Variants in CTBP2 observed in about 807,000 individuals in gnomAD.
The protein encoded by CTBP2 is C-terminal-binding protein 2.
A neutral mutation model predicts 80.3 loss-of-function variants in CTBP2; 30 were observed. The observed-to-expected ratio is 0.37, with a 90% CI of 0.28 to 0.51. The LOEUF is 0.51. CTBP2 is among the 20% of genes least tolerant of loss of function. The probability of loss-of-function intolerance (pLI) is 0.93; values close to 1 mark genes in which losing one functional copy is unlikely to be tolerated. For synonymous variants in CTBP2, 594 were observed against 587.4 expected, an observed-to-expected ratio of 1.01 and a Z score of -0.16; for missense variants, 1,212 against 1,375.3, an observed-to-expected ratio of 0.88 and a Z score of 1.88.
chr10:125,161,072 G>T (rs886101069), upstream of CTBP2: 4 of 150,934 alleles, frequency 2.7e-5, no homozygotes, highest in Admixed American at 1.3e-4. Flanking sequence ...GTTTTTGGGG[G>T]GGGGGGGCAA....
At chr10:125,068,836 G>A (rs902859122) in intron 2 of CTBP2, among the ~76,000 whole-genome samples, 1 of 152,236 alleles carries the variant, frequency 6.6e-6, no homozygotes, top group Non-Finnish European at 1.5e-5. Context: ...CAACTTGGAG[G>A]TCAGGGTTGC....
At chr10:125,142,714 T>C (rs896693706) in intron 1 of CTBP2, among the ~76,000 whole-genome samples, 1 of 152,206 alleles carries the variant, frequency 6.6e-6, no homozygotes, top group Non-Finnish European at 1.5e-5. Context: ...TGAAATCCTC[T>C]GCGGCCCCCA....
intron 1 of CTBP2, among the ~76,000 whole-genome samples, chr10:125,143,149 T>C (rs1858143898): frequency 6.6e-6 from 1 of 151,998 alleles, no homozygotes; most frequent in Non-Finnish European, 1.5e-5. Context: ...CCGCACACAG[T>C]AGGGGTGCAC....
intron 2 of CTBP2, among the ~76,000 whole-genome samples, chr10:125,109,733 G>A (rs1440771977): frequency 6.6e-6 from 1 of 152,232 alleles, no homozygotes; most frequent in African/African-American, 2.4e-5. Context: ...TCCCAGGAAA[G>A]GGTTCTGAAT....
Position 124,986,265 on chromosome 10 carries a change from A to G in CTBP2, c.*3253T>C, listed in dbSNP as rs1952031551. ...CTATTGATGTGGCCAGGAATTTGGA[A>G]AGACGACACACGCACGCGCGCGCGC... is the stretch of plus-strand genomic sequence containing the variant. On this transcript the variant is annotated 3_prime_UTR_variant, in exon 9 of 9. Coordinates refer to ENST00000309035, the MANE Select transcript of CTBP2 (RefSeq NM_022802.3). The G allele has an allele frequency of 7.1e-6, 1 of 140,718 alleles. No homozygotes were observed. The highest frequency in any genetic ancestry group is 2.6e-5 in the African/African-American group (1 of 38,468). 8.7% of individuals were successfully genotyped at this position (140,718 alleles called of 1,614,324 possible).
At chr10:124,996,862 A>G (rs1302735506) in intron 4 of CTBP2, 2 of 152,298 alleles carry the variant, frequency 1.3e-5, no homozygotes, top group African/African-American at 4.8e-5. Flanking sequence ...AAGTCAAAAC[A>G]CGGTGGGTCC....
intron 8 of CTBP2, among the ~76,000 whole-genome samples, chr10:124,992,144 G>A (rs1952729423): frequency 6.7e-6 from 1 of 149,164 alleles, no homozygotes; most frequent in African/African-American, 2.5e-5. Context: ...ATTGGAAAAT[G>A]AACTTGCTCA....
chr10:125,124,340 C>A (rs1217527618), intron 1 of CTBP2, among the ~76,000 whole-genome samples: 5 of 152,172 alleles, frequency 3.3e-5, no homozygotes, highest in African/African-American at 1.2e-4. Flanking sequence ...CCGGTAACTC[C>A]CCGCTGGTTC....
intron 1 of CTBP2, chr10:125,026,046 G>A (rs751357520): frequency 6.5e-7 from 1 of 1,533,946 alleles, no homozygotes; most frequent in African/African-American, 1.4e-5. Context: ...GCTCCCCCCA[G>A]GTCCCCAGGC....
At chr10:125,112,498 G>T (rs184885685) in intron 1 of CTBP2, among the ~76,000 whole-genome samples, 2 of 149,094 alleles carry the variant, frequency 1.3e-5, no homozygotes, top group East Asian at 4.0e-4. Flanking sequence ...GCGCCGTCTC[G>T]GCTCACTGCA....
intron 2 of CTBP2, among the ~76,000 whole-genome samples, chr10:125,108,540 G>C (rs1407394099): frequency 6.6e-6 from 1 of 152,212 alleles, no homozygotes; most frequent in Admixed American, 6.5e-5. Context: ...TGACCTCCTT[G>C]TGTTGCTGCA....
chr10:125,093,068 T>C (rs1354500192), intron 2 of CTBP2, among the ~76,000 whole-genome samples: 1 of 152,170 alleles, frequency 6.6e-6, no homozygotes. Flanking sequence ...ACCGTTCTCT[T>C]TACTGCCTCA....
In CTBP2 at chr10:125,036,827, G is replaced by A. The variant is rs566104866; in HGVS notation, c.58+2170C>T. ...AAACAGACTGCCCGGGTTCCTGGGTGCAAACTGCCTACTGCTCAACGCCTC... is the reference window on the plus strand; with the variant it reads ...AAACAGACTGCCCGGGTTCCTGGGTACAAACTGCCTACTGCTCAACGCCTC... On this transcript the variant is annotated intron_variant, in intron 3 of 10. Transcript: ENST00000337195. 1.4e-4 allele frequency among the ~76,000 whole-genome samples: 21 copies of A among 152,098 alleles called. 1 individual carries two copies. Among genetic ancestry groups the A allele is most frequent in the Non-Finnish European group, 2.2e-4 (15 of 68,020 alleles).
chr10:125,035,924 A>G (rs1486125815), intron 3 of CTBP2, among the ~76,000 whole-genome samples: 2 of 152,206 alleles, frequency 1.3e-5, no homozygotes, highest in Non-Finnish European at 2.9e-5. Context: ...AATAATTCTT[A>G]CATGGTATTA....
At chr10:125,047,256 T>G (rs1175000705) in intron 2 of CTBP2, among the ~76,000 whole-genome samples, 1 of 152,228 alleles carries the variant, frequency 6.6e-6, no homozygotes, top group Non-Finnish European at 1.5e-5. Flanking sequence ...GGAATGCAGA[T>G]CAATTTTTCC....
intron 1 of CTBP2, among the ~76,000 whole-genome samples, chr10:125,124,774 A>C (rs1461817584): frequency 1.3e-5 from 2 of 152,250 alleles, no homozygotes; most frequent in East Asian, 3.8e-4. Context: ...TTTAAAACAA[A>C]AACTCTTTCA....
chr10:125,090,547 G>A (rs1848623704), intron 2 of CTBP2, among the ~76,000 whole-genome samples: 1 of 151,548 alleles, frequency 6.6e-6, no homozygotes, highest in Non-Finnish European at 1.5e-5. Context: ...AGGATCACTT[G>A]AGGCCAGGAG....
At chr10:125,141,882 C>A (rs978044009) in intron 1 of CTBP2, among the ~76,000 whole-genome samples, 1 of 152,220 alleles carries the variant, frequency 6.6e-6, no homozygotes, top group Non-Finnish European at 1.5e-5. Flanking sequence ...AGCCACTTCC[C>A]CCACAGAGAA....
chr10:125,117,835 C>T (rs1381723997), intron 1 of CTBP2, among the ~76,000 whole-genome samples: 1 of 152,162 alleles, frequency 6.6e-6, no homozygotes, highest in East Asian at 1.9e-4. Context: ...TTTCCATGTC[C>T]CTATACAGCC....
Sources: gnomAD v4.1 joint callset for allele counts (sites outside exome capture counted in the v4.1 genomes callset) on GRCh38, gnomAD v4.1.1 for gene constraint, MANE v1.5 for transcripts, NCBI Gene and HGNC (gene_info 2026-07-23, HGNC 2026-07-21) for gene names.